The following DST variants were observed in gnomAD, a reference collection of about 807,000 sequenced individuals.
DST encodes the protein dystonin, also known as bullous pemphigoid antigen.
DST carries 253 observed loss-of-function variants against 875.2 expected under a neutral mutation model. The observed-to-expected ratio is 0.29, with a 90% CI of 0.26 to 0.32. DST has a LOEUF of 0.32. Ranked by LOEUF, DST falls within the 10% of genes least tolerant of loss-of-function variation. The pLI, the probability that DST is intolerant of heterozygous loss-of-function variation, is 1.00. For missense variants in DST, 8,287 were observed against 9,111.6 expected (o/e 0.91, Z 3.68); for synonymous variants, 3,124 against 3,197.1 (o/e 0.98, Z 0.77).
chr6:56,644,349 A>C (rs1274256567), intron 15 of DST, among the ~76,000 whole-genome samples: 1 of 152,196 alleles, frequency 6.6e-6, no homozygotes, highest in Non-Finnish European at 1.5e-5. Flanking sequence ...TAATTTAATA[A>C]AGGACTGACA....
chr6:56,459,847 T>C (rs2094234568), intron 103 of DST, among the ~76,000 whole-genome samples: 1 of 152,150 alleles, frequency 6.6e-6, no homozygotes, highest in South Asian at 2.1e-4. Flanking sequence ...GTGCAATCGC[T>C]GAGCTGGCAG....
At chr6:56,699,288 A>C (rs2099280206) in intron 9 of DST, among the ~76,000 whole-genome samples, 2 of 152,194 alleles carry the variant, frequency 1.3e-5, no homozygotes, top group South Asian at 2.1e-4. Context: ...AGTGCTAAGA[A>C]CCTGTATTAC....
intron 2 of DST, among the ~76,000 whole-genome samples, chr6:56,945,532 A>C (rs1014290902): frequency 2.6e-5 from 4 of 152,188 alleles, no homozygotes; most frequent in Non-Finnish European, 5.9e-5. Context: ...TTGAGATGCC[A>C]ATGGGACATC....
chr6:56,689,989 T>C (rs539914131), intron 9 of DST, among the ~76,000 whole-genome samples: 1 of 152,250 alleles, frequency 6.6e-6, no homozygotes, highest in Non-Finnish European at 1.5e-5. Context: ...GTACAAACAC[T>C]AAGTTCATTA....
intron 87 of DST, among the ~76,000 whole-genome samples, chr6:56,486,687 A>T (rs1205089783): frequency 2.0e-5 from 3 of 152,210 alleles, no homozygotes; most frequent in African/African-American, 7.2e-5. Flanking sequence ...CGTCACATTA[A>T]GAAGCCTGTG....
At chr6:56,836,309 A>G (rs1343297280) in intron 4 of DST, among the ~76,000 whole-genome samples, 1 of 152,180 alleles carries the variant, frequency 6.6e-6, no homozygotes, top group Non-Finnish European at 1.5e-5. Context: ...CACTATAGCT[A>G]TGCGACTCTT....
At chr6:56,674,931 C>G (rs1346020709) in intron 9 of DST, among the ~76,000 whole-genome samples, 4 of 152,098 alleles carry the variant, frequency 2.6e-5, no homozygotes, top group African/African-American at 9.7e-5. Flanking sequence ...TGAATGGAAC[C>G]ACAAAAGACC....
intron 49 of DST, among the ~76,000 whole-genome samples, 197 bp downstream of exon 49, chr6:56,591,985 A>G (rs890369193): frequency 4.6e-5 from 7 of 151,282 alleles, no homozygotes; most frequent in Admixed American, 4.6e-4. Context: ...CCATCTCAAA[A>G]AAAAAAAAAA....
chr6:56,588,149 T>C (rs948627373), intron 49 of DST, among the ~76,000 whole-genome samples: 2 of 152,140 alleles, frequency 1.3e-5, no homozygotes, highest in African/African-American at 4.8e-5. Flanking sequence ...CCTGTTAAAA[T>C]CTCTTAGTAG....
chr6:56,633,114 G>A (rs2098794994), intron 27 of DST, 77 bp from the exon 28 acceptor site: 1 of 1,131,210 alleles, frequency 8.8e-7, no homozygotes, highest in African/African-American at 1.5e-5. Context: ...AACTGGTCGT[G>A]TGGTATATGC....
chr6:56,517,708 T>G, intron 69 of DST, 88 bp from the exon 70 acceptor site: 1 of 1,434,354 alleles, frequency 7.0e-7, no homozygotes, highest in South Asian at 1.5e-5. Flanking sequence ...ATATCCTTAT[T>G]ACACAAGTGG....
chr6:56,554,063 G>C (rs1050873284), intron 60 of DST, among the ~76,000 whole-genome samples: 1 of 144,076 alleles, frequency 6.9e-6, no homozygotes, highest in African/African-American at 2.6e-5. Context: ...TGACTTTTTC[G>C]CGTCTATGAC....
rs548097304 is a variant in DST, at chr6:56,851,139, T to C, written c.625+258A>G. On this transcript the variant is annotated intron_variant, in intron 4 of 103. Transcript: ENST00000680361. Reference sequence around the variant, plus strand: ...TAGGAAAGTTTAGTGCAAATGTCTGTAAATATTTCCTTGCATTTCAAAGGA... The same window carrying C: ...TAGGAAAGTTTAGTGCAAATGTCTGCAAATATTTCCTTGCATTTCAAAGGA... 233 of 517,394 alleles carry C rather than the reference T, an allele frequency of 4.5e-4. 4 individuals are homozygous for C. In the East Asian group the frequency reaches 6.8e-3, roughly 15 times the overall value. The allele number at this position is 517,394 out of a possible 1,614,324, so 32.1% of individuals were successfully genotyped here. A position where few individuals can be genotyped will look rare whatever the true frequency, so the allele number is the denominator to read the frequency against.
rs184656197 is a variant in DST at position 56,606,870 on chromosome 6, A to C, written c.7758T>G (p.Ser2586Arg). 3,764 of 1,613,348 alleles carry C rather than the reference A, an allele frequency of 2.3e-3. 9 individuals carry two copies. Among genetic ancestry groups the C allele is most frequent in the Non-Finnish European group, 2.9e-3 (3,417 of 1,179,562 alleles). ...GCAGTGACGTTTCATAGTCACTAGC[A>C]CTGATGGTTTCATCAAGCAATGGTG... ...CATPLLDETISASDYETSLLN... is the reference protein window; with the variant it reads ...CATPLLDETIRASDYETSLLN... The change falls in exon 40 of 104, where the codon AGT (serine) becomes AGG (arginine). Residue 2586 changes from serine to arginine, a missense_variant. This residue lies in a region of DST where 3,138 missense variants were observed against 3,116.6 expected (regional missense o/e 1.01). Coordinates refer to ENST00000680361, the MANE Select transcript of DST (RefSeq NM_001374736.1).
At chr6:56,631,771 A>ACCT (rs2098782760) in intron 29 of DST, 112 bp downstream of exon 29, 4 of 964,922 alleles carry the variant, frequency 4.1e-6, no homozygotes, top group African/African-American at 1.6e-5. Flanking sequence ...CTCACCTCAC[A>ACCT]CTAGACTGGC....
intron 36 of DST, among the ~76,000 whole-genome samples, chr6:56,621,302 G>A (rs1272294193): frequency 2.0e-5 from 3 of 152,174 alleles, no homozygotes; most frequent in South Asian, 4.1e-4. Context: ...ATAACATGGG[G>A]AAGAAGGAAA....
At position 56,603,274 on chromosome 6, in the gene DST, G is replaced by A. The variant is rs893286332; in HGVS notation, c.11088C>T (p.Ala3696=). The part of the protein sequence containing the change: ...LSISHQSLKT[A]FSSLSNVSSE... The stretch of plus-strand genomic sequence containing the variant: ...AAGACACGTTGCTGAGGGAAGAGAA[G>A]GCGGTCTTCAAACTCTGGTGGCTAA... The change falls in exon 42 of 104, where the codon GCC becomes GCT. Residue 3696 remains alanine, a synonymous_variant. Transcript: ENST00000680361. 4.5e-5 allele frequency: 73 copies of A among 1,609,842 alleles called. No homozygotes were observed. Among genetic ancestry groups the A allele is most frequent in the Admixed American group, 3.5e-4 (21 of 59,576 alleles).
chr6:56,736,940 A>G (rs916087645), intron 4 of DST, among the ~76,000 whole-genome samples: 5 of 152,118 alleles, frequency 3.3e-5, no homozygotes, highest in Admixed American at 3.3e-4. Context: ...TCGGGAGGCC[A>G]ATGCAGGCAA....
chr6:56,801,835 C>T (rs1263583475), intron 4 of DST, among the ~76,000 whole-genome samples: 2 of 151,112 alleles, frequency 1.3e-5, no homozygotes, highest in Non-Finnish European at 2.9e-5. Context: ...CTGCAACCTC[C>T]ACCTCCCGGG....
Sources: allele counts gnomAD v4.1 joint callset (sites outside exome capture counted in the v4.1 genomes callset), GRCh38; gene constraint gnomAD v4.1.1; regional missense constraint gnomAD v4.1.1; transcripts MANE v1.5; gene names NCBI Gene and HGNC (gene_info 2026-07-23, HGNC 2026-07-21).